Variants in ADH1B observed in about 807,000 individuals in gnomAD.
ADH1B encodes the protein alcohol dehydrogenase 1B (class I), beta polypeptide.
Under a neutral mutation model 34.6 loss-of-function variants are expected in ADH1B, and 29 were observed. The observed-to-expected ratio is 0.84, with a 90% CI of 0.62 to 1.14. ADH1B has a LOEUF of 1.14. ADH1B is among the 50% of genes most tolerant of loss of function. The probability of loss-of-function intolerance (pLI) is 0.00; values close to 1 mark genes in which losing one functional copy is unlikely to be tolerated. For missense variants in ADH1B, 424 were observed against 468.4 expected, an observed-to-expected ratio of 0.91 and a Z score of 0.87; for synonymous variants, 170 against 175.5, an observed-to-expected ratio of 0.97 and a Z score of 0.25.
In ADH1B at chr4:99,305,311, C is replaced by G. The variant is rs1163472005; in HGVS notation, c.*2529G>C. The G allele has an allele frequency of 1.3e-5, 2 of 150,802 alleles. No individual in the cohort carries two copies. Among genetic ancestry groups the G allele is most frequent in the East Asian group, 1.9e-4 (1 of 5,162 alleles). The allele number at this position is 150,802 out of a possible 1,614,324, so 9.3% of individuals were successfully genotyped here. ...GTGATATTATTGAAGTCACCCCCCC[C>G]CACTTTATTTGTTTTCATATATCAT... On this transcript the variant is annotated 3_prime_UTR_variant, in exon 9 of 9. Coordinates refer to ENST00000305046, the MANE Select transcript of ADH1B (RefSeq NM_000668.6).
intron 6 of ADH1B, among the ~76,000 whole-genome samples, chr4:99,312,543 T>C (rs892215913): frequency 6.6e-6 from 1 of 152,234 alleles, no homozygotes; most frequent in Admixed American, 6.5e-5. Context: ...ACATTTTCAG[T>C]AGGATTCTAG....
chr4:99,310,297 C>T (rs527545971), intron 8 of ADH1B: 2 of 412,896 alleles, frequency 4.8e-6, no homozygotes, highest in African/African-American at 2.1e-5. Context: ...TAATATCTAC[C>T]TAGAAAACAA....
At position 99,306,659 on chromosome 4, in the gene ADH1B, TC is replaced by T. The variant is rs1733617357; in HGVS notation, c.*1180del. Reference sequence around the variant, plus strand: ...AGATAAAGCTCAAAATGCAAATCCTTCCCCTGAGAGTGGGAAAGCATTAACA... The same window carrying T: ...AGATAAAGCTCAAAATGCAAATCCTTCCCTGAGAGTGGGAAAGCATTAACA... On this transcript the variant is annotated 3_prime_UTR_variant, in exon 9 of 9. Transcript: ENST00000305046. 1 of 149,394 alleles carries T rather than the reference TC, an allele frequency of 6.7e-6. No homozygotes were observed. The highest frequency in any genetic ancestry group is 1.5e-5 in the Non-Finnish European group (1 of 67,452). The allele number at this position is 149,394 out of a possible 1,614,324, so 9.3% of individuals were successfully genotyped here.
intron 6 of ADH1B, among the ~76,000 whole-genome samples, chr4:99,312,972 C>A (rs1004320944): frequency 2.6e-5 from 4 of 151,924 alleles, no homozygotes; most frequent in Non-Finnish European, 5.9e-5. Context: ...CTATGAGATA[C>A]GTAGCTTTTA....
At chr4:99,310,635 C>T (rs959059859) in intron 8 of ADH1B, 130 bp downstream of exon 8, 2 of 1,284,342 alleles carry the variant, frequency 1.6e-6, no homozygotes, top group Non-Finnish European at 2.1e-6. Flanking sequence ...ACGCTCCATG[C>T]AAAGACTGAA....
Position 99,313,716 on chromosome 4 carries a change from T to C in ADH1B, c.828+105A>G, listed in dbSNP as rs529217285. On this transcript the variant is annotated intron_variant, in intron 6 of 8. Coordinates refer to ENST00000305046, the MANE Select transcript of ADH1B (RefSeq NM_000668.6). ...ACAAACAGATGATGGGAAATTTCCA[T>C]TCATCATTAAAAATATCCTTTATAC... is the stretch of plus-strand genomic sequence containing the variant. The C allele has an allele frequency of 6.1e-5, 96 of 1,564,226 alleles. 1 individual carries two copies. The African/African-American group carries it at 9.4e-4, about 15-fold the overall frequency.
At position 99,306,534 on chromosome 4, in the gene ADH1B, G is replaced by T. The variant is rs1733613947; in HGVS notation, c.*1306C>A. ...TAAACTATTTTACTTTATGTCTAAGGTCTTTCATAATATGAAATAGAATGT... is the reference window on the plus strand; with the variant it reads ...TAAACTATTTTACTTTATGTCTAAGTTCTTTCATAATATGAAATAGAATGT... On this transcript the variant is annotated 3_prime_UTR_variant, in exon 9 of 9. Coordinates refer to ENST00000305046, the MANE Select transcript of ADH1B (RefSeq NM_000668.6). 1 of 152,170 alleles carries T rather than the reference G, an allele frequency of 6.6e-6. No individual in the cohort carries two copies. The highest frequency in any genetic ancestry group is 2.1e-4 in the South Asian group (1 of 4,834). The allele number at this position is 152,170 out of a possible 1,614,324, so 9.4% of individuals were successfully genotyped here. A position where few individuals can be genotyped will look rare whatever the true frequency, so the allele number is the denominator to read the frequency against.
At chr4:99,313,564 T>A (rs1445906405) in intron 6 of ADH1B, 2 of 507,982 alleles carry the variant, frequency 3.9e-6, no homozygotes, top group Non-Finnish European at 3.4e-6. Flanking sequence ...ATAAAGTAAA[T>A]CTATAATTGC....
intron 1 of ADH1B, chr4:99,319,296 A>G (rs1247634634): frequency 3.9e-6 from 1 of 253,332 alleles, no homozygotes. Context: ...ACACTGCTTT[A>G]TTGCTCAATT....
intron 8 of ADH1B, 83 bp from the exon 9 acceptor site, chr4:99,307,947 G>A (rs1733653030): frequency 6.4e-7 from 1 of 1,572,942 alleles, no homozygotes; most frequent in Admixed American, 1.7e-5. Context: ...CATCTGAGGT[G>A]TCTTAGTGAA....
intron 6 of ADH1B, among the ~76,000 whole-genome samples, chr4:99,313,195 C>T (rs1240052255): frequency 1.3e-5 from 2 of 151,886 alleles, no homozygotes; most frequent in Non-Finnish European, 2.9e-5. Flanking sequence ...CCATACCTGG[C>T]TAATTTTTGT....
At chr4:99,315,788 CG>C (rs1733866380) in intron 5 of ADH1B, 109 bp downstream of exon 5, 1 of 1,375,578 alleles carries the variant, frequency 7.3e-7, no homozygotes, top group East Asian at 2.4e-5. Context: ...TACTCATAAT[CG>C]ACACTTTAAA....
chr4:99,310,550 T>C (rs1463166866), intron 8 of ADH1B, among the ~76,000 whole-genome samples: 4 of 152,148 alleles, frequency 2.6e-5, no homozygotes, highest in Non-Finnish European at 5.9e-5. Context: ...TTTGCAGTAA[T>C]CAACGTAATT....
chr4:99,317,638 G>C (rs1044443104), intron 3 of ADH1B: 1 of 186,476 alleles, frequency 5.4e-6, no homozygotes, highest in African/African-American at 2.4e-5. Context: ...ACTCAGCACA[G>C]AACAGTTTCC....
intron 7 of ADH1B, 73 bp downstream of exon 7, chr4:99,311,448 A>G: frequency 6.6e-6 from 10 of 1,508,332 alleles, no homozygotes; most frequent in Admixed American, 2.0e-5. Context: ...GGGCATATAT[A>G]TTGAGATTAT....
At chr4:99,313,513 A>T in intron 6 of ADH1B, 1 of 347,358 alleles carries the variant, frequency 2.9e-6, no homozygotes, top group Admixed American at 4.3e-5. Flanking sequence ...AATTTATATT[A>T]TTTATGTTTA....
intron 1 of ADH1B, chr4:99,319,947 A>C (rs552473745): frequency 2.0e-5 from 3 of 152,322 alleles, no homozygotes; most frequent in African/African-American, 7.2e-5. Context: ...TACTAATAGT[A>C]GGAAGATTCT....
At position 99,318,169 on chromosome 4, in the gene ADH1B, T is replaced by G; in HGVS notation, c.136A>C (p.Ile46Leu). ...EVRIKMVAVG[I>L]CHTDDHVVSG... is the part of the protein sequence containing the mutation. Reference sequence around the variant, plus strand: ...ACCACGTGGTCATCTGTGTGACAGATTCCTACAGCCACCATCTACAGAATA... The same window carrying G: ...ACCACGTGGTCATCTGTGTGACAGAGTCCTACAGCCACCATCTACAGAATA... The change falls in exon 3 of 9, where the codon ATC (isoleucine) becomes CTC (leucine). Residue 46 changes from isoleucine to leucine, a missense_variant. This residue lies in a region of ADH1B where 291 missense variants were observed against 300.4 expected (regional missense o/e 0.97). Transcript: ENST00000305046. The G allele has an allele frequency of 1.2e-6, 2 of 1,614,112 alleles. No homozygotes were observed. Among genetic ancestry groups the G allele is most frequent in the Non-Finnish European group, 8.5e-7 (1 of 1,179,994 alleles).
chr4:99,309,402 T>C (rs965220091), intron 8 of ADH1B, among the ~76,000 whole-genome samples: 6 of 152,224 alleles, frequency 3.9e-5, no homozygotes, highest in African/African-American at 1.2e-4. Context: ...ATTTTTAATC[T>C]TTGCTTATTG....
Sources: allele counts gnomAD v4.1 joint callset (sites outside exome capture counted in the v4.1 genomes callset), GRCh38; gene constraint gnomAD v4.1.1; regional missense constraint gnomAD v4.1.1; transcripts MANE v1.5; gene names NCBI Gene and HGNC (gene_info 2026-07-23, HGNC 2026-07-21).